Variants in ERC1 observed in about 807,000 individuals in gnomAD.
ERC1 encodes the protein ELKS/RAB6-interacting/CAST family member 1.
ERC1 carries 56 observed loss-of-function variants against 132.0 expected under a neutral mutation model. That is an observed-to-expected ratio of 0.42 (90% CI 0.34 to 0.53). The LOEUF is 0.53. Ranked by LOEUF, ERC1 falls within the 20% of genes least tolerant of loss-of-function variation. ERC1 has a pLI of 0.03. For synonymous variants in ERC1, 478 were observed against 476.1 expected (o/e 1.00, Z -0.05); for missense variants, 1,202 against 1,349.9 (o/e 0.89, Z 1.72).
At chr12:1,262,898 G>A (rs2077232483) in intron 13 of ERC1, 136 bp from the exon 14 acceptor site, 6 of 786,580 alleles carry the variant, frequency 7.6e-6, no homozygotes, top group Admixed American at 5.6e-5. Context: ...TGTGTCCTCT[G>A]TGACGATATC....
Position 1,490,798 on chromosome 12 carries a change from C to T in ERC1, c.*568C>T, listed in dbSNP as rs996984357. ...TTCTGCTTACTTTCCACATGAGATG[C>T]TTTGTACCGGGGAGCTGTGAGCAGG... is the stretch of plus-strand genomic sequence containing the variant. On this transcript the variant is annotated 3_prime_UTR_variant, in exon 19 of 19. Transcript: ENST00000360905. 1 of 233,640 alleles carries T rather than the reference C, an allele frequency of 4.3e-6. No homozygotes were observed. The highest frequency in any genetic ancestry group is 2.2e-5 in the African/African-American group (1 of 45,338). The allele number at this position is 233,640 out of a possible 1,614,324, so 14.5% of individuals were successfully genotyped here.
intron 17 of ERC1, among the ~76,000 whole-genome samples, chr12:1,429,134 T>C (rs992635060): frequency 1.3e-5 from 2 of 152,212 alleles, no homozygotes; most frequent in South Asian, 2.1e-4. Flanking sequence ...ACTGAACACA[T>C]AGCACTGTTT....
At chr12:1,262,963 T>G in intron 13 of ERC1, 71 bp from the exon 14 acceptor site, 1 of 1,522,280 alleles carries the variant, frequency 6.6e-7, no homozygotes, top group Non-Finnish European at 9.0e-7. Context: ...CAAACAGCCC[T>G]TTCTTAATAA....
chr12:1,047,700 T>A (rs1221753476), intron 2 of ERC1, among the ~76,000 whole-genome samples: 2 of 152,238 alleles, frequency 1.3e-5, no homozygotes, highest in Non-Finnish European at 2.9e-5. Context: ...ACACTTTTTC[T>A]TAGTTAAACC....
At chr12:1,224,594 A>G (rs1236469930) in intron 12 of ERC1, among the ~76,000 whole-genome samples, 2 of 152,208 alleles carry the variant, frequency 1.3e-5, no homozygotes, top group Non-Finnish European at 2.9e-5. Context: ...AGATACAACC[A>G]TATCTCTTTT....
intron 3 of ERC1, among the ~76,000 whole-genome samples, chr12:1,098,697 G>A (rs572724662): frequency 6.6e-6 from 1 of 152,318 alleles, no homozygotes; most frequent in African/African-American, 2.4e-5. Flanking sequence ...TGAGTTGCCT[G>A]TTAGACATCT....
intron 15 of ERC1, among the ~76,000 whole-genome samples, chr12:1,342,607 T>G (rs2154362956): frequency 6.6e-6 from 1 of 152,310 alleles, no homozygotes; most frequent in East Asian, 1.9e-4. Flanking sequence ...TGCCTGGTAT[T>G]GTACAGACCC....
At chr12:1,304,785 T>C in intron 15 of ERC1, among the ~76,000 whole-genome samples, 2 of 109,674 alleles carry the variant, frequency 1.8e-5, no homozygotes, top group African/African-American at 8.5e-5. Context: ...AACTCTTTTT[T>C]TTTTTTTTTT....
intron 8 of ERC1, among the ~76,000 whole-genome samples, chr12:1,179,749 T>C (rs911583718): frequency 1.1e-3 from 173 of 152,224 alleles, no homozygotes; most frequent in South Asian, 8.5e-3. Flanking sequence ...CCTCGTGATC[T>C]GCCCGCCTCG....
chr12:1,066,251 T>C (rs1359788549), intron 2 of ERC1, among the ~76,000 whole-genome samples: 1 of 152,258 alleles, frequency 6.6e-6, no homozygotes. Flanking sequence ...GCGATTAATA[T>C]AATTGCCCTG....
intron 3 of ERC1, among the ~76,000 whole-genome samples, chr12:1,097,748 T>G (rs1241554402): frequency 1.3e-5 from 2 of 150,326 alleles, no homozygotes; most frequent in Non-Finnish European, 3.0e-5. Context: ...AGAGTCTCAC[T>G]CTGTTGCCCA....
At position 1,307,697 on chromosome 12, in the gene ERC1, G is replaced by T. The variant is rs977173120; in HGVS notation, c.2780+17685G>T. On this transcript the variant is annotated intron_variant, in intron 15 of 18. Transcript: ENST00000360905. ...TTGATGATTCCTTTTTGCTACCCAA[G>T]ATTTTTTTATTTAAAATTGAGCATT... 2.0e-5 allele frequency among the ~76,000 whole-genome samples: 3 copies of T among 152,114 alleles called. No individual in the cohort carries two copies. The South Asian group carries it at 6.2e-4, about 31-fold the overall frequency.
chr12:1,004,763 A>AG (rs1336403359), intron 1 of ERC1, among the ~76,000 whole-genome samples: 1 of 151,186 alleles, frequency 6.6e-6, no homozygotes, highest in Non-Finnish European at 1.5e-5. Flanking sequence ...TTGAAAAAAA[A>AG]TTGCTGTTGA....
At chr12:1,184,516 C>T (rs142953598) in intron 11 of ERC1, among the ~76,000 whole-genome samples, 1,940 of 152,102 alleles carry the variant, frequency 0.013, 53 homozygotes, top group African/African-American at 0.044. Flanking sequence ...TTTTCAAAAG[C>T]CTGTGCTTAT....
At chr12:1,393,872 C>G (rs2090207488) in intron 16 of ERC1, among the ~76,000 whole-genome samples, 1 of 149,400 alleles carries the variant, frequency 6.7e-6, no homozygotes, top group Non-Finnish European at 1.5e-5. Context: ...AAAAATTAGC[C>G]AAGTGTGGTG....
chr12:1,206,454 T>TTA (rs1472158511), intron 12 of ERC1, among the ~76,000 whole-genome samples: 1 of 152,058 alleles, frequency 6.6e-6, no homozygotes, highest in Non-Finnish European at 1.5e-5. Flanking sequence ...TTGCAGAGGT[T>TTA]TATTTTTATT....
intron 16 of ERC1, among the ~76,000 whole-genome samples, chr12:1,387,821 C>T (rs112166211): frequency 5.9e-4 from 90 of 152,284 alleles, no homozygotes; most frequent in African/African-American, 2.0e-3. Context: ...TCATTTCTTA[C>T]GGCAGCTCCA....
rs149990527 is a variant in ERC1, at chr12:1,457,418, G to T, written c.3213+12668G>T. On this transcript the variant is annotated intron_variant, in intron 18 of 18. Transcript: ENST00000360905. The stretch of plus-strand genomic sequence containing the variant: ...TCAGCATCCTTCCATATGTACAGCC[G>T]TGAGGTTCAGAAGACTTCTTTTTTT... Among the ~76,000 whole-genome samples, 49 of 152,268 alleles carry T rather than the reference G, an allele frequency of 3.2e-4. 1 individual carries two copies. The highest frequency in any genetic ancestry group is 1.2e-3 in the African/African-American group (49 of 41,546).
chr12:1,114,708 T>A (rs1482419971), intron 6 of ERC1, among the ~76,000 whole-genome samples: 1 of 152,252 alleles, frequency 6.6e-6, no homozygotes, highest in African/African-American at 2.4e-5. Flanking sequence ...AGCCACCGTT[T>A]AAAATTATCT....
Sources: gnomAD v4.1 joint callset for allele counts (sites outside exome capture counted in the v4.1 genomes callset) on GRCh38, gnomAD v4.1.1 for gene constraint, MANE v1.5 for transcripts, NCBI Gene and HGNC (gene_info 2026-07-23, HGNC 2026-07-21) for gene names.